Variants in SNX29 observed in about 807,000 individuals in gnomAD.
SNX29 encodes sorting nexin 29.
In SNX29, 78 loss-of-function variants were observed where a neutral mutation model predicts 102.1. That is an observed-to-expected ratio of 0.76 (90% CI 0.64 to 0.92). SNX29 has a LOEUF of 0.92. Among genes scored for constraint, SNX29 ranks in the 40% least tolerant of loss-of-function variants. SNX29 has a pLI of 0.00. For missense variants in SNX29, 1,280 were observed against 1,061.7 expected (o/e 1.21, Z -2.86); for synonymous variants, 580 against 414.5 (o/e 1.40, Z -4.85).
At chr16:12,281,283 G>C (rs529709525) in intron 15 of SNX29, among the ~76,000 whole-genome samples, 1 of 152,174 alleles carries the variant, frequency 6.6e-6, no homozygotes, top group African/African-American at 2.4e-5. Context: ...TGCGAAGGGA[G>C]TTTCTGAGAA....
At chr16:12,386,860 C>CA (rs2083359704) in intron 16 of SNX29, among the ~76,000 whole-genome samples, 1 of 152,140 alleles carries the variant, frequency 6.6e-6, no homozygotes, top group Non-Finnish European at 1.5e-5. Flanking sequence ...CGTGGTGACT[C>CA]ACGCCTGTAA....
chr16:12,562,903 G>T (rs193161115), intron 20 of SNX29, among the ~76,000 whole-genome samples: 9 of 152,102 alleles, frequency 5.9e-5, no homozygotes, highest in African/African-American at 1.9e-4. Flanking sequence ...TTGACGATGT[G>T]CTTGAGATTC....
intron 13 of SNX29, among the ~76,000 whole-genome samples, chr16:12,175,650 T>TG (rs1369421274): frequency 1.2e-4 from 13 of 111,022 alleles, no homozygotes; most frequent in Non-Finnish European, 4.0e-5. Flanking sequence ...AGACTCCGTC[T>TG]CAAAAAAAAA....
intron 18 of SNX29, among the ~76,000 whole-genome samples, chr16:12,468,411 G>A (rs988420572): frequency 2.6e-5 from 4 of 151,998 alleles, no homozygotes; most frequent in African/African-American, 9.7e-5. Flanking sequence ...CTGACCTCAA[G>A]TGATCTGCCT....
At chr16:12,533,497 T>A (rs527704601) in intron 20 of SNX29, among the ~76,000 whole-genome samples, 1 of 152,292 alleles carries the variant, frequency 6.6e-6, no homozygotes, top group East Asian at 1.9e-4. Flanking sequence ...TGGACAGACT[T>A]GTCACATCAG....
intron 13 of SNX29, 52 bp downstream of exon 13, chr16:12,129,810 C>T: frequency 6.5e-7 from 1 of 1,537,338 alleles, no homozygotes. Flanking sequence ...TTCATTAAAA[C>T]CTGAGCATAC....
At chr16:12,064,680 C>T (rs938000386) in intron 9 of SNX29, among the ~76,000 whole-genome samples, 6 of 152,202 alleles carry the variant, frequency 3.9e-5, no homozygotes, top group African/African-American at 7.2e-5. Context: ...CTGATTGGGA[C>T]GCCAGGTTGC....
intron 4 of SNX29, among the ~76,000 whole-genome samples, chr16:12,035,885 G>A (rs781677215): frequency 1.3e-5 from 2 of 152,126 alleles, no homozygotes; most frequent in African/African-American, 4.8e-5. Context: ...TGATAAAGCT[G>A]GCTTCATCCC....
chr16:12,197,268 C>T (rs1002459556), intron 13 of SNX29, among the ~76,000 whole-genome samples: 2 of 152,088 alleles, frequency 1.3e-5, no homozygotes, highest in Admixed American at 6.5e-5. Flanking sequence ...CTAAAGGAAT[C>T]CTAGAAAACA....
chr16:12,205,353 A>G (rs2077018634), intron 14 of SNX29, among the ~76,000 whole-genome samples: 1 of 152,212 alleles, frequency 6.6e-6, no homozygotes, highest in South Asian at 2.1e-4. Flanking sequence ...CCCAAGTGGA[A>G]TAAACATGGA....
intron 14 of SNX29, among the ~76,000 whole-genome samples, chr16:12,225,907 C>T (rs926563664): frequency 6.6e-6 from 1 of 152,156 alleles, no homozygotes; most frequent in East Asian, 1.9e-4. Flanking sequence ...GGCTCTCCTG[C>T]CTTTTAACTA....
Position 12,077,235 on chromosome 16 carries a change from C to T in SNX29, c.1320-1598C>T, listed in dbSNP as rs114105590. Among the ~76,000 whole-genome samples, 1,415 of 151,810 alleles carry T rather than the reference C, an allele frequency of 9.3e-3. 20 individuals are homozygous for T. The highest frequency in any genetic ancestry group is 0.032 in the African/African-American group (1,318 of 41,358). ...TCAAGCCTTCAGCGAGCTGAGATTG[C>T]ACCACTGCACTCCAGCCTAGTTAAC... is the stretch of plus-strand genomic sequence containing the variant. On this transcript the variant is annotated intron_variant, in intron 10 of 20. Coordinates refer to ENST00000566228, the MANE Select transcript of SNX29 (RefSeq NM_032167.5).
chr16:12,472,544 C>CAAAAAAAAAAAAAAAACA (rs568390260), intron 18 of SNX29, among the ~76,000 whole-genome samples: 10 of 115,622 alleles, frequency 8.6e-5, no homozygotes, highest in East Asian at 2.8e-4. Context: ...AAAAAAAAAA[C>CAAAAAAAAAAAAAAAACA]AAAAAAAAAA....
intron 20 of SNX29, among the ~76,000 whole-genome samples, chr16:12,546,899 A>T (rs1010052910): frequency 6.6e-6 from 1 of 152,228 alleles, no homozygotes; most frequent in Non-Finnish European, 1.5e-5. Context: ...CTAGGAGTGC[A>T]GCTGGAAGCC....
At chr16:12,125,484 G>T (rs1230959800) in intron 11 of SNX29, among the ~76,000 whole-genome samples, 1 of 152,100 alleles carries the variant, frequency 6.6e-6, no homozygotes, top group Non-Finnish European at 1.5e-5. Flanking sequence ...GGAGGGTAGG[G>T]AAGGGTGAGG....
chr16:12,255,234 C>T (rs28469348), intron 14 of SNX29, among the ~76,000 whole-genome samples: 2,590 of 152,148 alleles, frequency 0.017, 86 homozygotes, highest in African/African-American at 0.059. Context: ...CTTGGTGCGA[C>T]GCCCAGGCTG....
At chr16:12,200,133 C>T (rs2076876871) in intron 14 of SNX29, among the ~76,000 whole-genome samples, 1 of 152,124 alleles carries the variant, frequency 6.6e-6, no homozygotes, top group Non-Finnish European at 1.5e-5. Flanking sequence ...TTCATCTGTA[C>T]AATGAGGTTG....
chr16:12,356,860 C>G (rs1313829862), intron 16 of SNX29, among the ~76,000 whole-genome samples: 2 of 152,216 alleles, frequency 1.3e-5, no homozygotes, highest in Non-Finnish European at 2.9e-5. Context: ...CTTCACCTCG[C>G]CAGGTTTTGA....
At chr16:12,016,192 A>T (rs565677166) in intron 3 of SNX29, among the ~76,000 whole-genome samples, 1 of 152,204 alleles carries the variant, frequency 6.6e-6, no homozygotes, top group East Asian at 1.9e-4. Context: ...AAAAGGCTAC[A>T]TTGCATTGCA....
Sources: gnomAD v4.1 joint callset for allele counts (sites outside exome capture counted in the v4.1 genomes callset) on GRCh38, gnomAD v4.1.1 for gene constraint, MANE v1.5 for transcripts, NCBI Gene and HGNC (gene_info 2026-07-23, HGNC 2026-07-21) for gene names.